The following CDH18 variants were observed in gnomAD, a reference collection of about 807,000 sequenced individuals.
CDH18 encodes the protein cadherin-18.
CDH18 carries 31 observed loss-of-function variants against 67.9 expected under a neutral mutation model. That is an observed-to-expected ratio of 0.46 (90% CI 0.34 to 0.62). The LOEUF is 0.62. CDH18 is among the 20% of genes least tolerant of loss of function. The probability of loss-of-function intolerance (pLI) is 0.01; values close to 1 mark genes in which losing one functional copy is unlikely to be tolerated. For synonymous variants in CDH18, 362 were observed against 347.2 expected (o/e 1.04, Z -0.48); for missense variants, 890 against 975.5 (o/e 0.91, Z 1.17).
intron 3 of CDH18, among the ~76,000 whole-genome samples, chr5:19,800,669 A>G (rs147918413): frequency 1.3e-5 from 2 of 152,316 alleles, no homozygotes; most frequent in African/African-American, 4.8e-5. Context: ...ATTTGTGTAA[A>G]CCATTGGATT....
chr5:19,952,888 T>C (rs1795936799), intron 2 of CDH18, among the ~76,000 whole-genome samples: 1 of 152,146 alleles, frequency 6.6e-6, no homozygotes, highest in Non-Finnish European at 1.5e-5. Flanking sequence ...CTAGAGCCTC[T>C]AAAACAGAAA....
Position 20,068,912 on chromosome 5 carries a change from A to G in CDH18, c.-517-76898T>C, listed in dbSNP as rs774769381. On this transcript the variant is annotated intron_variant, in intron 2 of 14. Transcript: ENST00000507958. ...TCATAAACATGATAATGAGAAAATA[A>G]AAACAAATTTACTAAAATCATTTTA... 7.1e-4 allele frequency among the ~76,000 whole-genome samples: 108 copies of G among 152,288 alleles called. 1 individual carries two copies. The highest frequency in any genetic ancestry group is 1.3e-3 in the Non-Finnish European group (86 of 68,006).
At chr5:20,458,999 A>T (rs1194305629) in intron 1 of CDH18, among the ~76,000 whole-genome samples, 1 of 151,516 alleles carries the variant, frequency 6.6e-6, no homozygotes, top group African/African-American at 2.4e-5. Flanking sequence ...CCTAAAAAAA[A>T]GTGTATACAT....
intron 1 of CDH18, among the ~76,000 whole-genome samples, chr5:20,465,019 G>A (rs1351678186): frequency 6.6e-6 from 1 of 152,076 alleles, no homozygotes; most frequent in Non-Finnish European, 1.5e-5. Context: ...GACTATTTGA[G>A]AGCAGCTTCA....
chr5:19,701,031 G>A (rs1210751614), intron 5 of CDH18, among the ~76,000 whole-genome samples: 1 of 151,992 alleles, frequency 6.6e-6, no homozygotes, highest in Non-Finnish European at 1.5e-5. Context: ...AATAGTAATT[G>A]TGGTCAGTAA....
intron 2 of CDH18, among the ~76,000 whole-genome samples, chr5:20,007,119 C>A (rs1210109535): frequency 6.6e-6 from 1 of 151,550 alleles, no homozygotes; most frequent in Non-Finnish European, 1.5e-5. Flanking sequence ...ATCAAATACG[C>A]TTTGAATATA....
rs555814390 is a variant in CDH18, at chr5:19,596,640, G to A, written c.812-5396C>T. The stretch of plus-strand genomic sequence containing the variant: ...TTCACAAAGCGGATTGCAAAAAACT[G>A]TTCAAATGGGTCACAAAAGACTCAC... On this transcript the variant is annotated intron_variant, in intron 6 of 12. Coordinates refer to ENST00000382275, the MANE Select transcript of CDH18 (RefSeq NM_004934.5). Among the ~76,000 whole-genome samples, 3 of 152,248 alleles carry A rather than the reference G, an allele frequency of 2.0e-5. No homozygotes were observed. In the South Asian group the frequency reaches 6.2e-4, roughly 32 times the overall value.
chr5:20,076,354 G>A (rs1331599579), intron 2 of CDH18, among the ~76,000 whole-genome samples: 1 of 151,986 alleles, frequency 6.6e-6, no homozygotes, highest in Non-Finnish European at 1.5e-5. Flanking sequence ...AATACTAAAA[G>A]TAACTACATT....
intron 2 of CDH18, among the ~76,000 whole-genome samples, chr5:20,138,111 C>G (rs1388504208): frequency 2.0e-5 from 3 of 151,994 alleles, no homozygotes; most frequent in Non-Finnish European, 4.4e-5. Flanking sequence ...AAAAGCTTAT[C>G]CACCATGATC....
intron 2 of CDH18, among the ~76,000 whole-genome samples, chr5:20,144,501 A>G (rs943894193): frequency 2.6e-5 from 4 of 152,178 alleles, no homozygotes; most frequent in Non-Finnish European, 5.9e-5. Flanking sequence ...CAGATGGAGA[A>G]CAATTTGCTT....
intron 5 of CDH18, among the ~76,000 whole-genome samples, chr5:19,674,067 T>C (rs1468544183): frequency 1.3e-5 from 2 of 152,146 alleles, no homozygotes; most frequent in African/African-American, 4.8e-5. Context: ...TACTACCTTC[T>C]TTTATTTTTT....
intron 2 of CDH18, among the ~76,000 whole-genome samples, chr5:20,141,912 A>C (rs1056950652): frequency 6.6e-6 from 1 of 152,006 alleles, no homozygotes; most frequent in African/African-American, 2.4e-5. Context: ...TAAAGTATTA[A>C]TATTAAGAGT....
intron 2 of CDH18, among the ~76,000 whole-genome samples, chr5:19,949,832 A>G (rs1044445791): frequency 3.3e-5 from 5 of 152,108 alleles, no homozygotes; most frequent in Admixed American, 3.3e-4. Flanking sequence ...GAATCTCACT[A>G]CTTGGAATCT....
chr5:19,507,616 G>T (rs1399194597), intron 10 of CDH18, among the ~76,000 whole-genome samples: 1 of 152,092 alleles, frequency 6.6e-6, no homozygotes, highest in Non-Finnish European at 1.5e-5. Context: ...GGACATGGAT[G>T]AAGCTGGAAA....
intron 1 of CDH18, among the ~76,000 whole-genome samples, chr5:20,361,692 G>A (rs1470395260): frequency 6.6e-6 from 1 of 151,970 alleles, no homozygotes; most frequent in Non-Finnish European, 1.5e-5. Context: ...GCCTAAAGTG[G>A]CATATTTGGT....
intron 2 of CDH18, among the ~76,000 whole-genome samples, chr5:20,120,356 C>A (rs936725464): frequency 2.0e-5 from 3 of 152,098 alleles, no homozygotes; most frequent in Admixed American, 1.3e-4. Context: ...ATGGCACTTA[C>A]ATGAATCAAT....
intron 1 of CDH18, among the ~76,000 whole-genome samples, chr5:20,570,721 C>A (rs908775267): frequency 2.0e-5 from 3 of 152,096 alleles, no homozygotes; most frequent in Non-Finnish European, 4.4e-5. Flanking sequence ...TGACTCAAGA[C>A]AGAGTTCTAA....
rs539568492 is a variant in CDH18 at position 20,196,711 on chromosome 5, G to T, written c.-518+58733C>A. Among the ~76,000 whole-genome samples, 14 of 152,308 alleles carry T rather than the reference G, an allele frequency of 9.2e-5. 1 individual carries two copies. In the South Asian group the frequency reaches 2.9e-3, roughly 32 times the overall value. ...ACAACAGAGTTTCCAAATGAAATGT[G>T]TATTGGTCATTTGATCAGGATGTAG... On this transcript the variant is annotated intron_variant, in intron 2 of 14. Transcript: ENST00000507958.
intron 2 of CDH18, among the ~76,000 whole-genome samples, chr5:20,128,719 C>G (rs956624133): frequency 1.3e-5 from 2 of 152,052 alleles, no homozygotes; most frequent in Non-Finnish European, 2.9e-5. Flanking sequence ...AACAGTATTT[C>G]TAAGTTTTGT....
Sources: allele counts gnomAD v4.1 joint callset (sites outside exome capture counted in the v4.1 genomes callset), GRCh38; gene constraint gnomAD v4.1.1; transcripts MANE v1.5; gene names NCBI Gene and HGNC (gene_info 2026-07-23, HGNC 2026-07-21).